The following PDE4D variants were observed in gnomAD, a reference collection of about 807,000 sequenced individuals.
The protein encoded by PDE4D is 3',5'-cyclic-AMP phosphodiesterase 4D.
Under a neutral mutation model 87.4 loss-of-function variants are expected in PDE4D, and 24 were observed. The ratio of observed to expected loss-of-function variants is 0.27; its 90% CI spans 0.20 to 0.39. The LOEUF is 0.39. PDE4D is among the 10% of genes least tolerant of loss of function. PDE4D has a pLI of 1.00. For missense variants in PDE4D, 714 were observed against 1,041.0 expected (o/e 0.69, Z 4.32); for synonymous variants, 384 against 383.2 (o/e 1.00, Z -0.02).
At chr5:59,661,580 G>C (rs1207258677) in intron 1 of PDE4D, among the ~76,000 whole-genome samples, 1 of 152,078 alleles carries the variant, frequency 6.6e-6, no homozygotes, top group African/African-American at 2.4e-5. Context: ...AGCTAAATTA[G>C]GTAAATAAAC....
At chr5:60,464,042 C>A (rs188953153) in intron 1 of PDE4D, among the ~76,000 whole-genome samples, 1 of 152,066 alleles carries the variant, frequency 6.6e-6, no homozygotes, top group Admixed American at 6.6e-5. Flanking sequence ...TCCCCCTCCC[C>A]ATCCCACACA....
intron 1 of PDE4D, among the ~76,000 whole-genome samples, chr5:59,550,310 C>T (rs1817906537): frequency 6.6e-6 from 1 of 152,014 alleles, no homozygotes; most frequent in Admixed American, 6.6e-5. Flanking sequence ...TTTCTTGGCA[C>T]ATTTTCAGTT....
At chr5:59,450,266 G>A (rs1459753534) in intron 1 of PDE4D, among the ~76,000 whole-genome samples, 3 of 152,196 alleles carry the variant, frequency 2.0e-5, no homozygotes, top group African/African-American at 7.2e-5. Context: ...TAGCACCACA[G>A]TCTTTCTCTG....
At chr5:59,381,527 A>T (rs959955163) in intron 1 of PDE4D, among the ~76,000 whole-genome samples, 7 of 152,164 alleles carry the variant, frequency 4.6e-5, no homozygotes, top group Non-Finnish European at 7.3e-5. Flanking sequence ...TATAATTAAT[A>T]TGGAATTTAG....
chr5:59,217,912 G>A, intron 1 of PDE4D: 1 of 394,128 alleles, frequency 2.5e-6, no homozygotes, highest in Non-Finnish European at 5.0e-6. Context: ...AACTCTCCTT[G>A]GATATGCTTA....
At chr5:59,231,327 G>T (rs115441733) in intron 1 of PDE4D, among the ~76,000 whole-genome samples, 2,706 of 152,286 alleles carry the variant, frequency 0.018, 134 homozygotes, top group Admixed American at 0.092. Context: ...GGGCATAAAA[G>T]AAGTTCTCGT....
intron 2 of PDE4D, among the ~76,000 whole-genome samples, chr5:59,992,161 G>T (rs960091483): frequency 1.3e-5 from 2 of 152,148 alleles, no homozygotes; most frequent in African/African-American, 2.4e-5. Context: ...TACACAAGTG[G>T]TTTTCCAGGG....
At chr5:59,997,317 A>C (rs2152836299) in intron 2 of PDE4D, among the ~76,000 whole-genome samples, 1 of 152,234 alleles carries the variant, frequency 6.6e-6, no homozygotes, top group East Asian at 1.9e-4. Flanking sequence ...TATAGGTAAA[A>C]CTCAGCCAGT....
intron 3 of PDE4D, among the ~76,000 whole-genome samples, chr5:59,916,427 A>G (rs1475788411): frequency 6.6e-6 from 1 of 152,208 alleles, no homozygotes; most frequent in Non-Finnish European, 1.5e-5. Context: ...AAAACAAAAA[A>G]AAGTCCCAGA....
At chr5:59,923,646 C>CA (rs750099048) in intron 3 of PDE4D, among the ~76,000 whole-genome samples, 6 of 152,208 alleles carry the variant, frequency 3.9e-5, no homozygotes, top group Non-Finnish European at 8.8e-5. Flanking sequence ...CAGCAAGAGC[C>CA]ATGGCATTAC....
chr5:60,187,658 G>A (rs1784887821), intron 1 of PDE4D, among the ~76,000 whole-genome samples: 1 of 152,104 alleles, frequency 6.6e-6, no homozygotes, highest in African/African-American at 2.4e-5. Flanking sequence ...ATCATTAAGA[G>A]ATACTTTCCT....
chr5:59,196,219 A>AT (rs1745434712), intron 2 of PDE4D, among the ~76,000 whole-genome samples: 2 of 152,202 alleles, frequency 1.3e-5, no homozygotes, highest in East Asian at 1.9e-4. Context: ...CATTACTCCC[A>AT]TTTTTCAGAT....
intron 1 of PDE4D, among the ~76,000 whole-genome samples, chr5:60,408,172 A>G (rs2150060658): frequency 6.6e-6 from 1 of 152,258 alleles, no homozygotes; most frequent in Non-Finnish European, 1.5e-5. Flanking sequence ...GCACAGCTGG[A>G]GCAGAGACAA....
chr5:59,103,989 C>T (rs2153434946), intron 5 of PDE4D, among the ~76,000 whole-genome samples: 1 of 152,234 alleles, frequency 6.6e-6, no homozygotes, highest in Admixed American at 6.5e-5. Flanking sequence ...ATAATATCTA[C>T]TATACACAGG....
At chr5:59,021,331 T>G (rs1464399067) in intron 6 of PDE4D, among the ~76,000 whole-genome samples, 1 of 152,110 alleles carries the variant, frequency 6.6e-6, no homozygotes, top group East Asian at 1.9e-4. Context: ...GTAAACAAAC[T>G]CAGTGGGCCA....
chr5:58,987,994 G>A (rs1297059809), intron 11 of PDE4D, among the ~76,000 whole-genome samples: 1 of 152,024 alleles, frequency 6.6e-6, no homozygotes, highest in African/African-American at 2.4e-5. Context: ...TTAACAGTGA[G>A]AAAAAACCAA....
intron 2 of PDE4D, chr5:59,193,866 G>T: frequency 1.3e-6 from 1 of 764,812 alleles, no homozygotes. Flanking sequence ...TCTTACTGTA[G>T]ATATTAGTAA....
At chr5:59,732,367 C>T (rs534674290) in intron 1 of PDE4D, among the ~76,000 whole-genome samples, 397 of 149,876 alleles carry the variant, frequency 2.6e-3, no homozygotes, top group Non-Finnish European at 4.3e-3. Flanking sequence ...TTAAATTGCA[C>T]TGTGAATTTC....
rs1279862934 is a variant in PDE4D at position 59,443,560 on chromosome 5, A to T, written c.456-227592T>A. Among the ~76,000 whole-genome samples the T allele has an allele frequency of 3.3e-5, 5 of 152,256 alleles. No individual in the cohort carries two copies. The East Asian group carries it at 9.6e-4, about 29-fold the overall frequency. ...ATATGGAGACAGAAAAGGCCGGGTC[A>T]TCTGAACTAACAATATCATTGCTAT... On this transcript the variant is annotated intron_variant, in intron 1 of 14. Transcript: ENST00000340635.
Sources: allele counts gnomAD v4.1 joint callset (sites outside exome capture counted in the v4.1 genomes callset), GRCh38; gene constraint gnomAD v4.1.1; transcripts MANE v1.5; gene names NCBI Gene and HGNC (gene_info 2026-07-23, HGNC 2026-07-21).